The following CCDC15 variants were observed in gnomAD, a reference collection of about 807,000 sequenced individuals.
The protein encoded by CCDC15 is coiled-coil domain-containing protein 15.
Under a neutral mutation model 114.5 loss-of-function variants are expected in CCDC15, and 105 were observed. That is an observed-to-expected ratio of 0.92 (90% confidence interval 0.78 to 1.08). CCDC15 has a LOEUF of 1.08. Ranked by LOEUF, CCDC15 falls within the 50% of genes least tolerant of loss-of-function variation. CCDC15 has a pLI of 0.00. For missense variants in CCDC15, 1,105 were observed against 1,093.6 expected (o/e 1.01, Z -0.15); for synonymous variants, 334 against 377.8 (o/e 0.88, Z 1.34).
intron 4 of CCDC15, among the ~76,000 whole-genome samples, chr11:124,967,253 G>A (rs961571957): frequency 6.6e-6 from 1 of 152,050 alleles, no homozygotes; most frequent in African/African-American, 2.4e-5. Flanking sequence ...TTCCATTCTC[G>A]CTGTCACTTT....
chr11:124,966,340 A>G lies in CCDC15; in HGVS notation c.516+6337A>G, dbSNP rs527427268. Among the ~76,000 whole-genome samples, 10 of 152,262 alleles carry G rather than the reference A, an allele frequency of 6.6e-5. No individual in the cohort carries two copies. The East Asian group carries it at 1.5e-3, about 24-fold the overall frequency. On this transcript the variant is annotated intron_variant, in intron 4 of 15. Transcript: ENST00000344762. ...CTGGGTGCTCCTGTATTGGGTGTAT[A>G]TACATTTAGGATAGTTAGCTCTTCT...
intron 4 of CCDC15, among the ~76,000 whole-genome samples, chr11:124,961,780 C>T (rs1947662591): frequency 6.6e-6 from 1 of 152,124 alleles, no homozygotes; most frequent in African/African-American, 2.4e-5. Context: ...CCTGCCTTGG[C>T]CTCCCAAAGT....
chr11:124,988,142 A>G lies in CCDC15; in HGVS notation c.1908+8A>G. On this transcript the variant is annotated splice_region_variant and intron_variant, in intron 8 of 15. Transcript: ENST00000344762. Reference sequence around the variant, plus strand: ...TTTCTACCAAAATATCAGGTAAAATAGAGCAGAAAGGAGATACAAAAAGAA... The same window carrying G: ...TTTCTACCAAAATATCAGGTAAAATGGAGCAGAAAGGAGATACAAAAAGAA... The G allele has an allele frequency of 6.2e-7, 1 of 1,603,182 alleles. No individual in the cohort carries two copies. The highest frequency in any genetic ancestry group is 8.5e-7 in the Non-Finnish European group (1 of 1,175,622).
At chr11:124,956,229 G>A (rs945950748) in intron 2 of CCDC15, among the ~76,000 whole-genome samples, 1 of 152,164 alleles carries the variant, frequency 6.6e-6, no homozygotes, top group Non-Finnish European at 1.5e-5. Flanking sequence ...TTGAAGGATA[G>A]GGAGTGATTG....
chr11:125,004,293 G>A (rs550332748), intron 12 of CCDC15, among the ~76,000 whole-genome samples: 7 of 150,880 alleles, frequency 4.6e-5, no homozygotes, highest in East Asian at 1.9e-4. Context: ...AGTTTAAACC[G>A]ATAGTTCTTA....
intron 4 of CCDC15, among the ~76,000 whole-genome samples, chr11:124,968,048 C>G (rs967253794): frequency 6.6e-6 from 1 of 152,146 alleles, no homozygotes; most frequent in African/African-American, 2.4e-5. Context: ...GGGCACCTGG[C>G]TGTGTGAGGT....
chr11:124,982,474 C>G (rs539170224), intron 6 of CCDC15, among the ~76,000 whole-genome samples: 1 of 152,326 alleles, frequency 6.6e-6, no homozygotes, highest in African/African-American at 2.4e-5. Context: ...TCTTGTAAGG[C>G]AGGTCTGATG....
At chr11:124,986,708 C>CGT (rs1948166728) in intron 6 of CCDC15, 34 bp from the exon 7 acceptor site, 6 of 1,401,752 alleles carry the variant, frequency 4.3e-6, no homozygotes, top group African/African-American at 3.4e-5. Context: ...TGTGCGCGCG[C>CGT]GCGCGTGCGC....
intron 11 of CCDC15, among the ~76,000 whole-genome samples, chr11:124,996,024 T>C (rs1948363260): frequency 6.6e-6 from 1 of 151,952 alleles, no homozygotes; most frequent in Non-Finnish European, 1.5e-5. Context: ...GAGATGGGGT[T>C]TCGTCATGTT....
intron 13 of CCDC15, chr11:125,038,168 C>T: frequency 4.5e-6 from 1 of 221,920 alleles, no homozygotes; most frequent in Non-Finnish European, 8.7e-6. Flanking sequence ...GATCCATCTG[C>T]TTCGGCCTCT....
chr11:125,021,960 C>G (rs1241047092), intron 13 of CCDC15, among the ~76,000 whole-genome samples: 3 of 151,808 alleles, frequency 2.0e-5, no homozygotes, highest in African/African-American at 7.2e-5. Flanking sequence ...ACTTTTTTTA[C>G]AAGGTTGGGA....
chr11:124,994,583 C>G (rs1295760685), intron 11 of CCDC15, among the ~76,000 whole-genome samples: 1 of 152,050 alleles, frequency 6.6e-6, no homozygotes, highest in Non-Finnish European at 1.5e-5. Context: ...TTTCTGAGGG[C>G]AGGGGTTATG....
At chr11:124,989,979 T>G (rs1565369456) in intron 8 of CCDC15, among the ~76,000 whole-genome samples, 2 of 152,232 alleles carry the variant, frequency 1.3e-5, no homozygotes, top group African/African-American at 4.8e-5. Flanking sequence ...TTCAAGAACT[T>G]TTCCTTTGCA....
intron 6 of CCDC15, 87 bp from the exon 7 acceptor site, chr11:124,986,655 A>G (rs1025584564): frequency 2.3e-6 from 3 of 1,302,606 alleles, no homozygotes; most frequent in Non-Finnish European, 3.0e-6. Context: ...TTCCTATAAT[A>G]GCTACATGGT....
intron 13 of CCDC15, among the ~76,000 whole-genome samples, chr11:125,036,585 G>A (rs1280147459): frequency 1.3e-5 from 2 of 151,658 alleles, no homozygotes; most frequent in Non-Finnish European, 3.0e-5. Context: ...TCCTCCTCAA[G>A]GCCCAAAACT....
chr11:125,034,916 T>G (rs1303102442), intron 13 of CCDC15, among the ~76,000 whole-genome samples: 1 of 152,138 alleles, frequency 6.6e-6, no homozygotes, highest in Non-Finnish European at 1.5e-5. Context: ...CATAGTTATA[T>G]ATATATAAAC....
chr11:125,027,267 G>A (rs1251439817), intron 13 of CCDC15, among the ~76,000 whole-genome samples: 1 of 152,152 alleles, frequency 6.6e-6, no homozygotes, highest in African/African-American at 2.4e-5. Context: ...TAGTGGGATT[G>A]CTGGATGGAA....
intron 11 of CCDC15, among the ~76,000 whole-genome samples, chr11:124,999,359 C>T (rs1284120483): frequency 3.9e-5 from 6 of 152,078 alleles, no homozygotes; most frequent in African/African-American, 1.2e-4. Context: ...TTTTTATGTA[C>T]TAATTATTTT....
Position 124,954,721 on chromosome 11 carries a change from C to G in CCDC15, c.-9-3C>G, listed in dbSNP as rs1034759452. The G allele has an allele frequency of 2.5e-6, 4 of 1,613,026 alleles. No individual in the cohort carries two copies. The African/African-American group carries it at 4.0e-5, about 16-fold the overall frequency. Reference sequence around the variant, plus strand: ...TTTTAAGCTTTTTCTTTCTCCTAATCAGGAGTCACAGATGCTGGGAAGTAT... The same window carrying G: ...TTTTAAGCTTTTTCTTTCTCCTAATGAGGAGTCACAGATGCTGGGAAGTAT... On this transcript the variant is annotated splice_region_variant and splice_polypyrimidine_tract_variant and intron_variant, in intron 1 of 15. Coordinates refer to ENST00000344762, the MANE Select transcript of CCDC15 (RefSeq NM_025004.3).
Sources: allele counts gnomAD v4.1 joint callset (sites outside exome capture counted in the v4.1 genomes callset), GRCh38; gene constraint gnomAD v4.1.1; transcripts MANE v1.5; gene names NCBI Gene and HGNC (gene_info 2026-07-23, HGNC 2026-07-21).